NFYC: variants seen among roughly 807,000 people sequenced by gnomAD.
The protein encoded by NFYC is CAAT box DNA-binding protein subunit C.
In NFYC, 25 loss-of-function variants were observed where a neutral mutation model predicts 53.1. That is an observed-to-expected ratio of 0.47 (90% CI 0.34 to 0.66). NFYC has a LOEUF of 0.66. NFYC is among the 30% of genes least tolerant of loss of function. The pLI, the probability that NFYC is intolerant of heterozygous loss-of-function variation, is 0.01. For synonymous variants in NFYC, 145 were observed against 152.6 expected (o/e 0.95, Z 0.37); for missense variants, 260 against 422.7 (o/e 0.62, Z 3.38).
chr1:40,714,128 G>A (rs1168040828), intron 1 of NFYC, among the ~76,000 whole-genome samples: 2 of 152,154 alleles, frequency 1.3e-5, no homozygotes, highest in South Asian at 2.1e-4. Context: ...AGTGTTTTTT[G>A]TTGTTGTTTT....
At position 40,770,673 on chromosome 1, in the gene NFYC, G is replaced by A; in HGVS notation, c.889-36G>A. 2 of 1,614,042 alleles carry A rather than the reference G, an allele frequency of 1.2e-6. No individual in the cohort carries two copies. The highest frequency in any genetic ancestry group is 1.7e-6 in the Non-Finnish European group (2 of 1,180,000). ...TAGGGAGCTGCATGCCCCTCTCCCA[G>A]GGATGACCTCACTCTCTCCTCTCCA... On this transcript the variant is annotated intron_variant, in intron 9 of 9. Coordinates refer to ENST00000447388, the MANE Select transcript of NFYC (RefSeq NM_014223.5). The surrounding 1 kb of genome is among the most constrained non-coding windows in gnomAD (Gnocchi z 5.3).
At chr1:40,737,986 T>G (rs1168531885) in intron 1 of NFYC, among the ~76,000 whole-genome samples, 2 of 145,038 alleles carry the variant, frequency 1.4e-5, no homozygotes, top group Non-Finnish European at 3.0e-5. Flanking sequence ...CACTGCAAGC[T>G]CCGCCTCCCG....
chr1:40,717,934 T>C (rs1644197527), intron 1 of NFYC, among the ~76,000 whole-genome samples: 1 of 152,268 alleles, frequency 6.6e-6, no homozygotes, highest in South Asian at 2.1e-4. Flanking sequence ...TAGCCTCATC[T>C]GTAGGATTTA....
intron 1 of NFYC, among the ~76,000 whole-genome samples, chr1:40,715,408 CT>C (rs778550066): frequency 0.018 from 2,617 of 145,622 alleles, 23 homozygotes; most frequent in Non-Finnish European, 0.027. Context: ...AAAACAAAAA[CT>C]TTTTTTTTTT....
At chr1:40,707,792 T>C (rs1643787056) in intron 1 of NFYC, among the ~76,000 whole-genome samples, 1 of 147,366 alleles carries the variant, frequency 6.8e-6, no homozygotes, top group Admixed American at 6.8e-5. Flanking sequence ...TAAGCCGAGA[T>C]CGTGCCTCTA....
intron 1 of NFYC, chr1:40,695,691 G>A (rs1479582231): frequency 1.3e-5 from 2 of 152,268 alleles, no homozygotes; most frequent in Middle Eastern, 3.4e-3. Flanking sequence ...AAAGTGCTGG[G>A]ATTATAGGCG....
intron 3 of NFYC, among the ~76,000 whole-genome samples, chr1:40,749,033 C>T (rs1645767328): frequency 1.3e-5 from 2 of 152,178 alleles, no homozygotes; most frequent in Admixed American, 6.5e-5. Flanking sequence ...TCAGACACAT[C>T]AAGAAAGTTT....
At chr1:40,709,846 G>A (rs1643878861) in intron 1 of NFYC, among the ~76,000 whole-genome samples, 1 of 152,188 alleles carries the variant, frequency 6.6e-6, no homozygotes, top group Non-Finnish European at 1.5e-5. Flanking sequence ...TCATTTTTCA[G>A]GGGCACACAG....
chr1:40,758,332 GT>G, intron 6 of NFYC, 38 bp downstream of exon 6: 1 of 1,569,274 alleles, frequency 6.4e-7, no homozygotes, highest in Non-Finnish European at 8.6e-7. Context: ...CAGCAAGACA[GT>G]GCCCCTTAGG....
intron 1 of NFYC, among the ~76,000 whole-genome samples, chr1:40,702,975 C>T (rs1281228335): frequency 1.3e-5 from 2 of 152,106 alleles, no homozygotes; most frequent in East Asian, 3.9e-4. Context: ...TACCAGCACG[C>T]CCAGCTACTT....
chr1:40,704,318 C>T (rs1173487983), intron 1 of NFYC, among the ~76,000 whole-genome samples: 3 of 152,102 alleles, frequency 2.0e-5, no homozygotes, highest in Non-Finnish European at 2.9e-5. Flanking sequence ...TGATCTGCCC[C>T]CCTCAGCCTC....
chr1:40,699,563 A>G (rs1342981559), intron 1 of NFYC, among the ~76,000 whole-genome samples: 1 of 152,234 alleles, frequency 6.6e-6, no homozygotes, highest in Non-Finnish European at 1.5e-5. Context: ...GGGGCCTTTT[A>G]AGAAGCCAAG....
chr1:40,763,223 T>C (rs1268188243), intron 7 of NFYC, 177 bp downstream of exon 7: 1 of 492,110 alleles, frequency 2.0e-6, no homozygotes, highest in Admixed American at 3.4e-5. Flanking sequence ...TATATATATG[T>C]ATGTCTCTAT....
intron 5 of NFYC, 76 bp from the exon 6 acceptor site, chr1:40,758,045 G>A (rs560079918): frequency 6.5e-7 from 1 of 1,537,434 alleles, no homozygotes; most frequent in Non-Finnish European, 8.9e-7. Context: ...CCTGTTTGGG[G>A]GAAGAGTGGA....
intron 6 of NFYC, among the ~76,000 whole-genome samples, chr1:40,760,781 A>G (rs2885327): frequency 0.026 from 3,935 of 152,188 alleles, 71 homozygotes; most frequent in Middle Eastern, 0.058. Flanking sequence ...TTATCCATAT[A>G]ACAAAAATGT....
rs1302191258 is a variant in NFYC, at chr1:40,770,512, C to A, written c.889-197C>A. Reference sequence around the variant, plus strand: ...ACCTCTTCCCTGCCCACCACACACCCCCCCTCACACCGGGCTGGTGCCTCC... The same window carrying A: ...ACCTCTTCCCTGCCCACCACACACCACCCCTCACACCGGGCTGGTGCCTCC... On this transcript the variant is annotated intron_variant, in intron 9 of 9. Transcript: ENST00000447388. This position sits in a 1 kb window ranked among gnomAD's most constrained non-coding sequence, Gnocchi z 5.3. 1 of 1,555,852 alleles carries A rather than the reference C, an allele frequency of 6.4e-7. No individual in the cohort carries two copies. The highest frequency in any genetic ancestry group is 8.7e-7 in the Non-Finnish European group (1 of 1,149,430).
At position 40,691,829 on chromosome 1, in the gene NFYC, C is replaced by T. The variant is rs1177118737; in HGVS notation, c.-47C>T. The stretch of plus-strand genomic sequence containing the variant: ...TGCATTGCCCGACTCCGTAGGAGCG[C>T]GGGGGCGGCTCCTGCTCTTCCTGGA... On this transcript the variant is annotated 5_prime_UTR_variant, in exon 1 of 10. Coordinates refer to ENST00000447388, the MANE Select transcript of NFYC (RefSeq NM_014223.5). 2.3e-6 allele frequency: 1 copy of T among 435,860 alleles called. No homozygotes were observed. The highest frequency in any genetic ancestry group is 4.6e-6 in the Non-Finnish European group (1 of 216,162). 27.0% of individuals were successfully genotyped at this position (435,860 alleles called of 1,614,324 possible).
chr1:40,714,736 T>C (rs921936659), intron 1 of NFYC, among the ~76,000 whole-genome samples: 1 of 151,892 alleles, frequency 6.6e-6, no homozygotes, highest in African/African-American at 2.4e-5. Flanking sequence ...CACCTCAGCC[T>C]CCGAGTAATT....
intron 5 of NFYC, chr1:40,754,227 T>C: frequency 1.9e-6 from 1 of 526,418 alleles, no homozygotes; most frequent in Non-Finnish European, 3.9e-6. Flanking sequence ...TCAGAGAAAG[T>C]CTAGGAGAAG....
Sources: gnomAD v4.1 joint callset for allele counts (sites outside exome capture counted in the v4.1 genomes callset) on GRCh38, gnomAD v4.1.1 for gene constraint, Gnocchi (gnomAD v3.1) non-coding constraint, MANE v1.5 for transcripts, NCBI Gene and HGNC (gene_info 2026-07-23, HGNC 2026-07-21) for gene names.